The following TPR variants were observed in gnomAD, a reference collection of about 807,000 sequenced individuals.
TPR encodes nucleoprotein TPR.
A neutral mutation model predicts 316.1 loss-of-function variants in TPR; 51 were observed. The observed-to-expected ratio is 0.16, with a 90% CI of 0.13 to 0.20. The LOEUF is 0.20. Among genes scored for constraint, TPR ranks in the 10% least tolerant of loss-of-function variants. The pLI is 1.00. For missense variants in TPR, 2,272 were observed against 2,754.8 expected (o/e 0.82, Z 3.92); for synonymous variants, 981 against 914.7 (o/e 1.07, Z -1.31).
At chr1:186,337,566 T>C (rs1658378608) in intron 31 of TPR, among the ~76,000 whole-genome samples, 1 of 152,156 alleles carries the variant, frequency 6.6e-6, no homozygotes, top group African/African-American at 2.4e-5. Flanking sequence ...TTTTTCTTTA[T>C]ATTTATTTTC....
intron 48 of TPR, 38 bp from the exon 49 acceptor site, chr1:186,317,638 C>T (rs1466981151): frequency 1.3e-6 from 2 of 1,564,996 alleles, no homozygotes; most frequent in Non-Finnish European, 1.8e-6. Context: ...AAAACTGATC[C>T]TACAGTCAAT....
chr1:186,359,166 T>G (rs948885210), intron 12 of TPR, among the ~76,000 whole-genome samples: 2 of 152,166 alleles, frequency 1.3e-5, no homozygotes, highest in African/African-American at 2.4e-5. Flanking sequence ...ATTTCCTCCA[T>G]AAAACTTGTT....
At chr1:186,343,244 A>C in intron 27 of TPR, 82 bp downstream of exon 27, 10 of 1,497,594 alleles carry the variant, frequency 6.7e-6, no homozygotes, top group Non-Finnish European at 8.9e-6. Flanking sequence ...GTTAAATTTT[A>C]CATTACGTTA....
intron 23 of TPR, 124 bp from the exon 24 acceptor site, chr1:186,345,820 C>T (rs1045788882): frequency 7.1e-6 from 5 of 706,492 alleles, no homozygotes; most frequent in African/African-American, 3.6e-5. Context: ...AAAACTGCTG[C>T]TAAATTTAAA....
In TPR at chr1:186,311,676, G is replaced by A; in HGVS notation, c.*2295C>T. 7.1e-7 allele frequency: 1 copy of A among 1,403,786 alleles called. No homozygotes were observed. The allele number at this position is 1,403,786 out of a possible 1,614,324, so 87.0% of individuals were successfully genotyped here. A position where few individuals can be genotyped will look rare whatever the true frequency, so the allele number is the denominator to read the frequency against. The stretch of plus-strand genomic sequence containing the variant: ...ATTTTCATTTATTATTGACTTTACT[G>A]TCAAAAGATATCTTTAATGGCTGAA... On this transcript the variant is annotated 3_prime_UTR_variant, in exon 51 of 51. Coordinates refer to ENST00000367478, the MANE Select transcript of TPR (RefSeq NM_003292.3).
At chr1:186,338,383 G>GT (rs1658403155) in intron 30 of TPR, 140 bp from the exon 31 acceptor site, 1 of 661,538 alleles carries the variant, frequency 1.5e-6, no homozygotes, top group Non-Finnish European at 2.5e-6. Context: ...TACTTCAAAG[G>GT]TAAGACCTTA....
At chr1:186,351,755 T>G (rs1571626136) in intron 19 of TPR, among the ~76,000 whole-genome samples, 1 of 152,162 alleles carries the variant, frequency 6.6e-6, no homozygotes, top group East Asian at 1.9e-4. Flanking sequence ...CACAGGACAC[T>G]GTAAATATAC....
At chr1:186,350,091 TG>T in intron 21 of TPR, 131 bp downstream of exon 21, 1 of 899,250 alleles carries the variant, frequency 1.1e-6, no homozygotes, top group Non-Finnish European at 1.6e-6. Context: ...AAGAAAAAGT[TG>T]GGTTTTTTTT....
intron 30 of TPR, 104 bp downstream of exon 30, chr1:186,339,538 T>TCCA: frequency 1.0e-6 from 1 of 993,574 alleles, no homozygotes; most frequent in South Asian, 2.8e-5. Flanking sequence ...TCTAGCACTT[T>TCCA]CCATTCTTTC....
chr1:186,361,561 G>A (rs1308860022), intron 9 of TPR, 61 bp downstream of exon 9: 1 of 1,495,874 alleles, frequency 6.7e-7, no homozygotes, highest in Non-Finnish European at 9.2e-7. Context: ...ACAAAACAAG[G>A]GTAAAAAAAA....
chr1:186,353,872 T>C lies in TPR; in HGVS notation c.2172-22A>G, dbSNP rs571502986. 22 of 1,605,262 alleles carry C rather than the reference T, an allele frequency of 1.4e-5. No individual in the cohort carries two copies. In the South Asian group the frequency reaches 2.4e-4, roughly 18 times the overall value. ...ATAACTGGTATGAAAAAAGTAATTC[T>C]ACAAGTAACTGAAATGATATCCTAG... On this transcript the variant is annotated intron_variant, in intron 17 of 50. Transcript: ENST00000367478.
chr1:186,318,662 A>G, intron 47 of TPR, 59 bp from the exon 48 acceptor site: 2 of 1,605,516 alleles, frequency 1.2e-6, no homozygotes, highest in African/African-American at 2.7e-5. Flanking sequence ...TCACATTTTT[A>G]GCCAGAAGAT....
intron 7 of TPR, 33 bp downstream of exon 7, chr1:186,362,255 T>C: frequency 6.4e-7 from 1 of 1,555,940 alleles, no homozygotes; most frequent in Non-Finnish European, 8.8e-7. Context: ...CTTTAGTATT[T>C]TGTAAAAAAG....
chr1:186,357,711 A>G, intron 13 of TPR, 88 bp from the exon 14 acceptor site: 1 of 1,145,402 alleles, frequency 8.7e-7, no homozygotes, highest in Non-Finnish European at 1.2e-6. Context: ...TTAAAACATT[A>G]CTTATAAAAC....
At chr1:186,334,176 G>C (rs1356657559) in intron 36 of TPR, 149 bp downstream of exon 36, 2 of 817,718 alleles carry the variant, frequency 2.4e-6, no homozygotes, top group Non-Finnish European at 3.6e-6. Flanking sequence ...TTTGGTCCTA[G>C]AAGTATGTCC....
At chr1:186,318,978 T>C in intron 46 of TPR, 150 bp from the exon 47 acceptor site, 2 of 771,916 alleles carry the variant, frequency 2.6e-6, no homozygotes, top group Non-Finnish European at 4.1e-6. Flanking sequence ...AAAATCCATC[T>C]CTCAAACTTT....
rs1005365675 is a variant in TPR, at chr1:186,345,654, C to T, written c.3139G>A (p.Val1047Ile). The T allele has an allele frequency of 6.2e-7, 1 of 1,613,258 alleles. No individual in the cohort carries two copies. The highest frequency in any genetic ancestry group is 8.5e-7 in the Non-Finnish European group (1 of 1,179,714). Reference sequence around the variant, plus strand: ...CTTGCTCTCTGAAGAGCTTCTTGTACTTCATTCTGAACACTAGAAAGTGTT... The same window carrying T: ...CTTGCTCTCTGAAGAGCTTCTTGTATTTCATTCTGAACACTAGAAAGTGTT... ...KKTLSSVQNE[V>I]QEALQRASTA... The change falls in exon 24 of 51, where the codon GTA (valine) becomes ATA (isoleucine). Residue 1047 changes from valine to isoleucine, a missense_variant. Transcript: ENST00000367478.
chr1:186,351,561 A>C, intron 19 of TPR, 91 bp from the exon 20 acceptor site: 1 of 1,367,448 alleles, frequency 7.3e-7, no homozygotes, highest in South Asian at 1.8e-5. Flanking sequence ...ACAATATTAC[A>C]ACCCATTTCT....
rs973430523 is a variant in TPR at position 186,356,453 on chromosome 1, T to G, written c.1725-4A>C. 4.4e-6 allele frequency: 7 copies of G among 1,603,424 alleles called. No individual in the cohort carries two copies. Among genetic ancestry groups the G allele is most frequent in the Non-Finnish European group, 6.0e-6 (7 of 1,171,894 alleles). ...TTTGAGCTGAAGCTCAGTGATTCTG[T>G]AGAAAAAGTCGGCCTAATTCACAGG... On this transcript the variant is annotated splice_polypyrimidine_tract_variant and splice_region_variant and intron_variant, in intron 14 of 50. Transcript: ENST00000367478.
Sources: allele counts gnomAD v4.1 joint callset (sites outside exome capture counted in the v4.1 genomes callset), GRCh38; gene constraint gnomAD v4.1.1; transcripts MANE v1.5; gene names NCBI Gene and HGNC (gene_info 2026-07-23, HGNC 2026-07-21).